The following DNAJC17 variants were observed in gnomAD, a reference collection of about 807,000 sequenced individuals.
DNAJC17 encodes DnaJ heat shock protein family (Hsp40) member C17.
DNAJC17 carries 35 observed loss-of-function variants against 48.1 expected under a neutral mutation model. The observed-to-expected ratio is 0.73, with a 90% CI of 0.56 to 0.96. The LOEUF (loss-of-function observed/expected upper bound fraction) is 0.96, where lower values mean the gene tolerates loss of function less well. Among genes scored for constraint, DNAJC17 ranks in the 50% least tolerant of loss-of-function variants. DNAJC17 has a pLI of 0.00. For missense variants in DNAJC17, 355 were observed against 377.1 expected, an observed-to-expected ratio of 0.94 and a Z score of 0.48; for synonymous variants, 117 against 142.7, an observed-to-expected ratio of 0.82 and a Z score of 1.28.
intron 10 of DNAJC17, chr15:40,772,134 G>A (rs1014321271): frequency 2.4e-5 from 4 of 166,972 alleles, no homozygotes; most frequent in African/African-American, 9.6e-5. Flanking sequence ...ACCGTCTCCC[G>A]GGATTAGACA....
intron 3 of DNAJC17, 55 bp from the exon 4 acceptor site, chr15:40,779,365 C>A (rs777688276): frequency 1.5e-5 from 24 of 1,597,894 alleles, no homozygotes; most frequent in Non-Finnish European, 1.9e-5. Context: ...AAAGACAGAG[C>A]CCCGGCAATC....
intron 1 of DNAJC17, among the ~76,000 whole-genome samples, chr15:40,795,065 T>C (rs192839177): frequency 6.6e-6 from 1 of 152,048 alleles, no homozygotes; most frequent in East Asian, 1.9e-4. Flanking sequence ...CTGGAAAAAC[T>C]GTTATTTTCT....
At chr15:40,779,460 T>G in intron 3 of DNAJC17, 85 bp downstream of exon 3, 1 of 1,588,090 alleles carries the variant, frequency 6.3e-7, no homozygotes. Flanking sequence ...CTGTGCCACA[T>G]GGCAAAGGGC....
intron 10 of DNAJC17, 99 bp from the exon 11 acceptor site, chr15:40,768,161 C>A: frequency 1.4e-6 from 2 of 1,386,626 alleles, no homozygotes; most frequent in Non-Finnish European, 1.9e-6. Context: ...TTCTAAGAGT[C>A]TCGGAGGGAG....
intron 1 of DNAJC17, among the ~76,000 whole-genome samples, chr15:40,789,903 C>CAAA (rs71428311): frequency 0.14 from 2,819 of 20,004 alleles, 792 homozygotes; most frequent in Non-Finnish European, 0.19. Context: ...CAGACTGTCT[C>CAAA]AAAAAAAAAA....
chr15:40,775,063 A>G lies in DNAJC17; in HGVS notation c.568T>C (p.Ser190Pro). The G allele has an allele frequency of 6.2e-7, 1 of 1,614,182 alleles. No homozygotes were observed. Among genetic ancestry groups the G allele is most frequent in the African/African-American group, 1.3e-5 (1 of 75,054 alleles). Residue 190 changes from serine to proline, a missense_variant, in exon 8 of 11, where the codon TCC (serine) becomes CCC (proline). Physicochemically the swap from Ser to Pro is moderately conservative, Grantham distance 74. Around this residue, in one of 3 missense-constraint regions of DNAJC17, gnomAD observed 68 missense variants for 109.5 expected, o/e 0.62. Coordinates refer to ENST00000220496, the MANE Select transcript of DNAJC17 (RefSeq NM_018163.3). Reference sequence around the variant, plus strand: ...AAAAGCCGTAGGAGGACGTCTTTGGAGTAGCCACCTTTTGACTCATCCTCC... The same window carrying G: ...AAAAGCCGTAGGAGGACGTCTTTGGGGTAGCCACCTTTTGACTCATCCTCC... ...KKEDESKGGY[S>P]KDVLLRLLQK...
chr15:40,795,733 A>G (rs757460518), intron 1 of DNAJC17, among the ~76,000 whole-genome samples: 25 of 151,872 alleles, frequency 1.6e-4, no homozygotes, highest in South Asian at 6.2e-4. Context: ...CGTCTCTACT[A>G]AAAATACAAA....
chr15:40,771,255 T>G, intron 10 of DNAJC17: 1 of 563,420 alleles, frequency 1.8e-6, no homozygotes, highest in Non-Finnish European at 3.2e-6. Flanking sequence ...CTGGAAATGT[T>G]GGGGGGGCGG....
In DNAJC17 at chr15:40,767,192, C is replaced by G; in HGVS notation, c.*748G>C. 1 of 1,458,230 alleles carries G rather than the reference C, an allele frequency of 6.9e-7. No homozygotes were observed. 90.3% of individuals were successfully genotyped at this position (1,458,230 alleles called of 1,614,324 possible). ...TTTGTACCAGGAGCTTGCTGTGTGC[C>G]CCTCCTCACCCCCCCCATCCTGTCT... is the stretch of plus-strand genomic sequence containing the variant. On this transcript the variant is annotated 3_prime_UTR_variant, in exon 11 of 11. Transcript: ENST00000220496.
chr15:40,766,023 G>A lies in DNAJC17; in HGVS notation c.*1917C>T. On this transcript the variant is annotated 3_prime_UTR_variant, in exon 11 of 11. Coordinates refer to ENST00000220496, the MANE Select transcript of DNAJC17 (RefSeq NM_018163.3). ...AGCCCAGGGACAGGGCCCAGCATCA[G>A]AGCCCCCTGCCTGCATCCTGGGGCT... is the stretch of plus-strand genomic sequence containing the variant. 1.9e-6 allele frequency: 1 copy of A among 522,664 alleles called. No individual in the cohort carries two copies. The highest frequency in any genetic ancestry group is 3.4e-6 in the Non-Finnish European group (1 of 296,990). 32.4% of individuals were successfully genotyped at this position (522,664 alleles called of 1,614,324 possible).
rs1228126112 is a variant in DNAJC17, at chr15:40,770,786, GC to G, written c.793-2725del. ...GCTCAAGCTGCCCCAACATCCTGGA[GC>G]CCCCACCTGCCTACACAGCAGCCTA... On this transcript the variant is annotated intron_variant, in intron 10 of 10. Transcript: ENST00000220496. The surrounding 1 kb of genome is among the most constrained non-coding windows in gnomAD (Gnocchi z 5.0). 3.2e-6 allele frequency: 5 copies of G among 1,547,990 alleles called. No individual in the cohort carries two copies. The highest frequency in any genetic ancestry group is 4.4e-6 in the Non-Finnish European group (5 of 1,146,926).
chr15:40,785,411 T>A (rs556979095), intron 1 of DNAJC17, among the ~76,000 whole-genome samples: 10 of 152,278 alleles, frequency 6.6e-5, no homozygotes, highest in African/African-American at 2.2e-4. Flanking sequence ...TTCGGAATCT[T>A]CTACATACTG....
In DNAJC17 at chr15:40,765,947, C is replaced by T; in HGVS notation, c.*1993G>A. The T allele has an allele frequency of 8.0e-7, 1 of 1,255,210 alleles. No individual in the cohort carries two copies. The allele number at this position is 1,255,210 out of a possible 1,614,324, so 77.8% of individuals were successfully genotyped here. ...GTAAGTAGCAGCCTCCCTCAGTATC[C>T]TCTCCCTGCCAGCCCCTAGACCTGC... is the stretch of plus-strand genomic sequence containing the variant. On this transcript the variant is annotated 3_prime_UTR_variant, in exon 11 of 11. Transcript: ENST00000220496.
At position 40,793,858 on chromosome 15, in the gene DNAJC17, G is replaced by A. The variant is rs148535422; in HGVS notation, c.78+13511C>T. Among the ~76,000 whole-genome samples the A allele has an allele frequency of 3.9e-3, 587 of 152,048 alleles. 2 individuals carry two copies. Among genetic ancestry groups the A allele is most frequent in the Admixed American group, 0.015 (226 of 15,254 alleles). ...AGACGAGGAAACCAAGGTACAGAGC[G>A]GTTAAATATTTGCTCCAGGTCACAA... On this transcript the variant is annotated intron_variant, in intron 1 of 10. Coordinates refer to ENST00000220496, the MANE Select transcript of DNAJC17 (RefSeq NM_018163.3).
chr15:40,779,766 T>C (rs1391856539), intron 2 of DNAJC17, 162 bp downstream of exon 2: 4 of 1,086,540 alleles, frequency 3.7e-6, no homozygotes, highest in Non-Finnish European at 4.0e-6. Context: ...TATCAGCAAC[T>C]GACCAGACAC....
intron 1 of DNAJC17, among the ~76,000 whole-genome samples, chr15:40,791,417 A>G (rs1316995402): frequency 6.6e-6 from 1 of 151,998 alleles, no homozygotes; most frequent in Non-Finnish European, 1.5e-5. Flanking sequence ...AGACCCAGCT[A>G]CTCGGGAGGC....
Position 40,776,235 on chromosome 15 carries a change from G to A in DNAJC17, c.439C>T (p.Arg147Trp), listed in dbSNP as rs776311903. The A allele has an allele frequency of 1.2e-5, 19 of 1,613,954 alleles. No homozygotes were observed. Among genetic ancestry groups the A allele is most frequent in the Admixed American group, 1.7e-5 (1 of 60,000 alleles). Residue 147 changes from arginine to tryptophan, a missense_variant, in exon 6 of 11, where the codon CGG becomes TGG. This residue lies in a region of DNAJC17 where 199 missense variants were observed against 199.9 expected (regional missense o/e 1.00). Coordinates refer to ENST00000220496, the MANE Select transcript of DNAJC17 (RefSeq NM_018163.3). ...RQLEEQQRLIREQIRQERDQR... is the reference protein window; with the variant it reads ...RQLEEQQRLIWEQIRQERDQR... The stretch of plus-strand genomic sequence containing the variant: ...TCACGCTCCTGGCGTATCTGCTCCC[G>A]GATGAGCCTCTGCTGTTCCTCCAGC...
At chr15:40,776,164 G>A in intron 6 of DNAJC17, 32 bp downstream of exon 6, 2 of 1,605,432 alleles carry the variant, frequency 1.2e-6, no homozygotes, top group Admixed American at 3.3e-5. Context: ...AGCTACCTTG[G>A]AGGGGAGATA....
intron 1 of DNAJC17, among the ~76,000 whole-genome samples, chr15:40,797,145 G>A (rs1889956580): frequency 1.3e-5 from 2 of 152,188 alleles, no homozygotes; most frequent in Non-Finnish European, 2.9e-5. Context: ...CAAAGCAGAA[G>A]GATAACTTCA....
Sources: gnomAD v4.1 joint callset for allele counts (sites outside exome capture counted in the v4.1 genomes callset) on GRCh38, gnomAD v4.1.1 for gene constraint, gnomAD v4.1.1 regional missense constraint, Gnocchi (gnomAD v3.1) non-coding constraint, MANE v1.5 for transcripts, NCBI Gene and HGNC (gene_info 2026-07-23, HGNC 2026-07-21) for gene names.